IGF1R: variants seen among roughly 807,000 people sequenced by gnomAD.
IGF1R encodes the protein insulin like growth factor 1 receptor, also known as insulin-like growth factor 1 receptor.
In IGF1R, 44 loss-of-function variants were observed where a neutral mutation model predicts 144.6. The observed-to-expected ratio is 0.30, with a 90% CI of 0.24 to 0.39. The LOEUF (loss-of-function observed/expected upper bound fraction) is 0.39. Ranked by LOEUF, IGF1R falls within the 10% of genes least tolerant of loss-of-function variation. The pLI, the probability that IGF1R is intolerant of heterozygous loss-of-function variation, is 1.00. For missense variants in IGF1R, 1,355 were observed against 1,833.7 expected, an observed-to-expected ratio of 0.74 and a Z score of 4.77; for synonymous variants, 795 against 722.8, an observed-to-expected ratio of 1.10 and a Z score of -1.60.
chr15:98,853,219 G>C (rs1035301440), intron 2 of IGF1R, among the ~76,000 whole-genome samples: 6 of 152,158 alleles, frequency 3.9e-5, no homozygotes, highest in African/African-American at 1.4e-4. Flanking sequence ...AAAAAAAGAA[G>C]GGGGGCAGTA....
At chr15:98,884,119 C>T (rs2013519076) in intron 2 of IGF1R, among the ~76,000 whole-genome samples, 1 of 152,092 alleles carries the variant, frequency 6.6e-6, no homozygotes, top group African/African-American at 2.4e-5. Flanking sequence ...AAGGAGTGAA[C>T]ACTCCACTGG....
chr15:98,698,326 C>A (rs572655831), intron 1 of IGF1R, among the ~76,000 whole-genome samples: 1 of 152,164 alleles, frequency 6.6e-6, no homozygotes, highest in Non-Finnish European at 1.5e-5. Flanking sequence ...TGTGAGCCAC[C>A]ACGCCCACCG....
intron 1 of IGF1R, among the ~76,000 whole-genome samples, chr15:98,697,101 G>C (rs1404748160): frequency 6.6e-6 from 1 of 152,166 alleles, no homozygotes; most frequent in African/African-American, 2.4e-5. Flanking sequence ...GAGTGGGAGT[G>C]ATCATTGAAG....
chr15:98,758,497 A>G (rs2012925740), intron 2 of IGF1R, among the ~76,000 whole-genome samples: 1 of 152,232 alleles, frequency 6.6e-6, no homozygotes, highest in African/African-American at 2.4e-5. Flanking sequence ...ATAAGCCAGG[A>G]AACAGATACT....
chr15:98,751,381 A>G (rs1025780061), intron 2 of IGF1R, among the ~76,000 whole-genome samples: 1 of 151,852 alleles, frequency 6.6e-6, no homozygotes, highest in African/African-American at 2.4e-5. Context: ...TAAAAAAAAA[A>G]GTTTTTTGTA....
chr15:98,882,443 G>C (rs537595892), intron 2 of IGF1R, among the ~76,000 whole-genome samples: 2 of 152,354 alleles, frequency 1.3e-5, no homozygotes, highest in Admixed American at 6.5e-5. Flanking sequence ...TTGTAAAGAA[G>C]TGTTTCAGAT....
chr15:98,652,761 A>T (rs1048114850), intron 1 of IGF1R, among the ~76,000 whole-genome samples: 1 of 152,120 alleles, frequency 6.6e-6, no homozygotes, highest in Non-Finnish European at 1.5e-5. Context: ...CTGGGGGCGG[A>T]TGGAATGGGG....
At chr15:98,747,818 T>C (rs1596262909) in intron 2 of IGF1R, among the ~76,000 whole-genome samples, 1 of 152,356 alleles carries the variant, frequency 6.6e-6, no homozygotes, top group South Asian at 2.1e-4. Flanking sequence ...GAATGTATTA[T>C]AATGTACTGA....
At chr15:98,801,943 C>T (rs1353845231) in intron 2 of IGF1R, among the ~76,000 whole-genome samples, 1 of 152,096 alleles carries the variant, frequency 6.6e-6, no homozygotes, top group African/African-American at 2.4e-5. Flanking sequence ...TGGTAATGAC[C>T]CTGATGCCCC....
chr15:98,942,257 T>G (rs1157210365), intron 18 of IGF1R, among the ~76,000 whole-genome samples: 1 of 152,208 alleles, frequency 6.6e-6, no homozygotes, highest in African/African-American at 2.4e-5. Flanking sequence ...TAAAACCATG[T>G]GTAAATGACC....
chr15:98,788,054 C>CTGTGTGTG lies in IGF1R; in HGVS notation c.640+79948_640+79949insGTGTGTGT, dbSNP rs771505030. On this transcript the variant is annotated intron_variant, in intron 2 of 20. Coordinates refer to ENST00000650285, the MANE Select transcript of IGF1R (RefSeq NM_000875.5). The stretch of plus-strand genomic sequence containing the variant: ...TAGGGATCTCTCTCTCTCTCTCTCT[C>CTGTGTGTG]TCTCTCTCTGTGTGTGTGTGTGTGT... Among the ~76,000 whole-genome samples, 401 of 142,350 alleles carry CTGTGTGTG rather than the reference C, an allele frequency of 2.8e-3. 1 individual carries two copies. The highest frequency in any genetic ancestry group is 0.018 in the Middle Eastern group (5 of 280). The allele number at this position is 142,350 out of a possible 152,430, so 93.4% of individuals were successfully genotyped here.
At chr15:98,675,971 G>A (rs1330401260) in intron 1 of IGF1R, among the ~76,000 whole-genome samples, 1 of 151,340 alleles carries the variant, frequency 6.6e-6, no homozygotes, top group Admixed American at 6.6e-5. Flanking sequence ...GATTACAGGC[G>A]TGCGCCACCA....
chr15:98,741,676 G>A lies in IGF1R; in HGVS notation c.640+33569G>A, dbSNP rs537154953. ...GTCCTCCCGCATTTCTTCTTCTGTAGAGTCTTTTGCAAACTAGAGAGTCTT... is the reference window on the plus strand; with the variant it reads ...GTCCTCCCGCATTTCTTCTTCTGTAAAGTCTTTTGCAAACTAGAGAGTCTT... On this transcript the variant is annotated intron_variant, in intron 2 of 20. Transcript: ENST00000650285. Among the ~76,000 whole-genome samples the A allele has an allele frequency of 2.6e-5, 4 of 152,336 alleles. No homozygotes were observed. The South Asian group carries it at 8.3e-4, about 32-fold the overall frequency.
chr15:98,668,082 T>G (rs1024424803), intron 1 of IGF1R, among the ~76,000 whole-genome samples: 1 of 152,186 alleles, frequency 6.6e-6, no homozygotes, highest in African/African-American at 2.4e-5. Context: ...ATTTGGTTTC[T>G]GTTAAGGGTC....
At chr15:98,868,358 G>T in intron 2 of IGF1R, among the ~76,000 whole-genome samples, 1 of 81,868 alleles carries the variant, frequency 1.2e-5, no homozygotes, top group Admixed American at 1.8e-4. Flanking sequence ...AAATCTGTTG[G>T]GTTTTTTTTT....
rs2017149723 is a variant in IGF1R at position 98,959,740 on chromosome 15, T to C, written c.*2298T>C. On this transcript the variant is annotated 3_prime_UTR_variant, in exon 21 of 21. Coordinates refer to ENST00000650285, the MANE Select transcript of IGF1R (RefSeq NM_000875.5). ...TAAGAACAAAGCTGGGATACGGTGA[T>C]TGCTAGTTGTGACTGAAGATTCAAC... The C allele has an allele frequency of 4.3e-6, 1 of 233,422 alleles. No homozygotes were observed. Among genetic ancestry groups the C allele is most frequent in the Non-Finnish European group, 8.5e-6 (1 of 118,044 alleles). The allele number at this position is 233,422 out of a possible 1,614,324, so 14.5% of individuals were successfully genotyped here.
chr15:98,956,664 A>C (rs1407681799), intron 20 of IGF1R, among the ~76,000 whole-genome samples: 1 of 152,206 alleles, frequency 6.6e-6, no homozygotes, highest in East Asian at 1.9e-4. Context: ...TTTCCTGCTA[A>C]TTCTGGAAAG....
At chr15:98,696,238 A>T (rs547018165) in intron 1 of IGF1R, among the ~76,000 whole-genome samples, 1 of 152,160 alleles carries the variant, frequency 6.6e-6, no homozygotes, top group African/African-American at 2.4e-5. Context: ...TGTATTTGCC[A>T]TTGCTCCTGG....
intron 2 of IGF1R, among the ~76,000 whole-genome samples, chr15:98,868,370 T>TTG (rs71149424): frequency 6.4e-4 from 78 of 122,810 alleles, no homozygotes; most frequent in Middle Eastern, 9.2e-3. Flanking sequence ...TTTTTTTTTT[T>TTG]GGGGGGGGGG....
Sources: allele counts gnomAD v4.1 joint callset (sites outside exome capture counted in the v4.1 genomes callset), GRCh38; gene constraint gnomAD v4.1.1; transcripts MANE v1.5; gene names NCBI Gene and HGNC (gene_info 2026-07-23, HGNC 2026-07-21).